LYRM4: variants seen among roughly 807,000 people sequenced by gnomAD.
LYRM4 encodes the protein LYR motif containing 4, also known as LYR motif-containing protein 4.
A neutral mutation model predicts 11.7 loss-of-function variants in LYRM4; 9 were observed. The ratio of observed to expected loss-of-function variants is 0.77; its 90% CI spans 0.46 to 1.34. The LOEUF (loss-of-function observed/expected upper bound fraction) is 1.34. LYRM4 is among the 40% of genes most tolerant of loss of function. LYRM4 has a pLI of 0.00. For synonymous variants in LYRM4, 42 were observed against 40.4 expected (o/e 1.04, Z -0.15); for missense variants, 133 against 112.5 (o/e 1.18, Z -0.82).
chr6:5,169,981 G>A (rs906626384), intron 2 of LYRM4, among the ~76,000 whole-genome samples: 1 of 152,220 alleles, frequency 6.6e-6, no homozygotes, highest in Non-Finnish European at 1.5e-5. Context: ...CTATAGCCCA[G>A]GGTCACGCAG....
chr6:5,088,864 C>T, the LYRM4 span: 1 of 152,170 alleles, frequency 6.6e-6, no homozygotes, highest in African/African-American at 2.4e-5. Flanking sequence ...TGCCTTCTTT[C>T]ACCTAAAAAA....
At chr6:5,078,961 G>T in the LYRM4 span, among the ~76,000 whole-genome samples, 4 of 152,026 alleles carry the variant, frequency 2.6e-5, no homozygotes, top group East Asian at 7.7e-4. Flanking sequence ...AAATACTTTG[G>T]CATATTATAT....
the LYRM4 span, among the ~76,000 whole-genome samples, chr6:5,045,877 T>G: frequency 6.6e-6 from 1 of 152,230 alleles, no homozygotes; most frequent in Non-Finnish European, 1.5e-5. Context: ...AGAACGGACT[T>G]ACCTCTATTG....
chr6:5,163,397 T>C (rs1758881123), intron 2 of LYRM4, among the ~76,000 whole-genome samples: 1 of 152,178 alleles, frequency 6.6e-6, no homozygotes, highest in South Asian at 2.1e-4. Context: ...CAGGCTGTTC[T>C]GTTTCACCGA....
At chr6:5,091,737 G>T in the LYRM4 span, among the ~76,000 whole-genome samples, 6 of 152,178 alleles carry the variant, frequency 3.9e-5, no homozygotes, top group Admixed American at 3.9e-4. Flanking sequence ...GAGATCAATG[G>T]AGTAGTAAAA....
the LYRM4 span, among the ~76,000 whole-genome samples, chr6:5,060,494 C>T: frequency 1.3e-3 from 154 of 115,868 alleles, 2 homozygotes; most frequent in African/African-American, 4.8e-3. Flanking sequence ...CCTTGAGTTT[C>T]GATTTTTGTA....
chr6:5,128,396 T>G (rs1763792586), intron 2 of LYRM4, among the ~76,000 whole-genome samples: 1 of 152,168 alleles, frequency 6.6e-6, no homozygotes, highest in Non-Finnish European at 1.5e-5. Flanking sequence ...AGATACAAAT[T>G]GCGTCCCTAG....
the LYRM4 span, among the ~76,000 whole-genome samples, chr6:5,047,051 C>T: frequency 6.6e-6 from 1 of 152,132 alleles, no homozygotes; most frequent in Non-Finnish European, 1.5e-5. Flanking sequence ...ATGATCATGC[C>T]ACTGCACTCC....
the LYRM4 span, among the ~76,000 whole-genome samples, chr6:5,059,365 T>G: frequency 6.9e-6 from 1 of 144,312 alleles, no homozygotes; most frequent in Middle Eastern, 3.6e-3. Flanking sequence ...AAAAAAGTCC[T>G]CTGTGTACAT....
At chr6:5,180,444 C>T (rs116564349) in intron 2 of LYRM4, among the ~76,000 whole-genome samples, 6,153 of 152,284 alleles carry the variant, frequency 0.04, 180 homozygotes, top group East Asian at 0.1. Flanking sequence ...TCTACACAGG[C>T]CCTAGCATCC....
At chr6:5,231,176 G>A (rs116358308) in intron 1 of LYRM4, among the ~76,000 whole-genome samples, 2,995 of 151,882 alleles carry the variant, frequency 0.02, 89 homozygotes, top group African/African-American at 0.067. Context: ...ACTGCACTCC[G>A]GTCTGGGCGA....
At chr6:5,101,968 C>CT (rs397826404), downstream of LYRM4, among the ~76,000 whole-genome samples, 8,161 of 67,998 alleles carry the variant, frequency 0.12, 1,599 homozygotes, top group Non-Finnish European at 0.15. Flanking sequence ...CTAATGCTTT[C>CT]TTTTTTTTTT....
At chr6:5,114,138 C>T (rs558707431) in intron 2 of LYRM4, among the ~76,000 whole-genome samples, 147 of 152,286 alleles carry the variant, frequency 9.7e-4, no homozygotes, top group African/African-American at 3.3e-3. Context: ...ACTCAAGTGC[C>T]TGCCCGCCCT....
At chr6:5,185,045 C>T (rs1760303520) in intron 2 of LYRM4, among the ~76,000 whole-genome samples, 1 of 152,188 alleles carries the variant, frequency 6.6e-6, no homozygotes. Context: ...CACTGAAGTC[C>T]CTTCCTCCTT....
chr6:5,171,162 T>C lies in LYRM4; in HGVS notation c.207+45456A>G, dbSNP rs960385043. Among the ~76,000 whole-genome samples the C allele has an allele frequency of 2.0e-5, 3 of 152,218 alleles. No individual in the cohort carries two copies. In the East Asian group the frequency reaches 5.8e-4, roughly 29 times the overall value. ...TGATAAAAAGATTATGAATATTCTTTCTACCCTCAAATATTATTACAATAA... is the reference window on the plus strand; with the variant it reads ...TGATAAAAAGATTATGAATATTCTTCCTACCCTCAAATATTATTACAATAA... On this transcript the variant is annotated intron_variant, in intron 2 of 2. Transcript: ENST00000330636.
intron 2 of LYRM4, among the ~76,000 whole-genome samples, chr6:5,178,649 A>G (rs549434222): frequency 2.3e-4 from 35 of 151,208 alleles, no homozygotes; most frequent in African/African-American, 8.5e-4. Context: ...CCCTGTCTCT[A>G]TAAAAACACA....
chr6:5,074,093 G>GC, the LYRM4 span, among the ~76,000 whole-genome samples: 5 of 152,110 alleles, frequency 3.3e-5, no homozygotes, highest in Admixed American at 2.0e-4. Flanking sequence ...TAATTCACCT[G>GC]CCCCCCATCT....
chr6:5,109,443 G>C lies in LYRM4; in HGVS notation c.256C>G (p.Arg86Gly). 1.2e-6 allele frequency: 2 copies of C among 1,614,102 alleles called. No individual in the cohort carries two copies. The highest frequency in any genetic ancestry group is 1.1e-5 in the South Asian group (1 of 91,068). Reference sequence around the variant, plus strand: ...GCTTGCTAGGTCCTGGGCATGTCTCGATTCTCAATGATCAGCTTGTCAGTT... The same window carrying C: ...GCTTGCTAGGTCCTGGGCATGTCTCCATTCTCAATGATCAGCTTGTCAGTT... ...YSTDKLIIEN[R>G]DMPRT Residue 86 changes from arginine to glycine, a missense_variant, in exon 3 of 3, where the codon CGA (arginine) becomes GGA (glycine). Transcript: ENST00000330636.
intron 1 of LYRM4, among the ~76,000 whole-genome samples, chr6:5,217,092 G>A (rs1762316094): frequency 6.6e-6 from 1 of 152,180 alleles, no homozygotes; most frequent in South Asian, 2.1e-4. Flanking sequence ...GAGGTTAGCG[G>A]CAGTGAACCA....
Sources: gnomAD v4.1 joint callset for allele counts (sites outside exome capture counted in the v4.1 genomes callset) on GRCh38, gnomAD v4.1.1 for gene constraint, MANE v1.5 for transcripts, NCBI Gene and HGNC (gene_info 2026-07-23, HGNC 2026-07-21) for gene names.